The following KCNMB2 variants were observed in gnomAD, a reference collection of about 807,000 sequenced individuals.
KCNMB2 encodes potassium calcium-activated channel subfamily M regulatory beta subunit 2.
A neutral mutation model predicts 24.5 loss-of-function variants in KCNMB2; 9 were observed. The observed-to-expected ratio is 0.37, with a 90% CI of 0.22 to 0.64. The LOEUF is 0.64. KCNMB2 is among the 30% of genes least tolerant of loss of function. The pLI is 0.63. For synonymous variants in KCNMB2, 109 were observed against 104.4 expected (o/e 1.04, Z -0.27); for missense variants, 226 against 284.3 (o/e 0.79, Z 1.47).
At chr3:178,600,491 T>C (rs1335718016) in intron 1 of KCNMB2, among the ~76,000 whole-genome samples, 2 of 152,230 alleles carry the variant, frequency 1.3e-5, no homozygotes, top group Non-Finnish European at 2.9e-5. Context: ...ACATTGACTT[T>C]TAATAAGTAA....
At position 178,669,293 on chromosome 3, in the gene KCNMB2, G is replaced by A. The variant is rs902078007; in HGVS notation, c.-68+132582G>A. ...ACTGCATTCCTAAAATAGCTTGCATGTTAACAGAAGAGGACAGACAAATGA... is the reference window on the plus strand; with the variant it reads ...ACTGCATTCCTAAAATAGCTTGCATATTAACAGAAGAGGACAGACAAATGA... On this transcript the variant is annotated intron_variant, in intron 1 of 4. Transcript: ENST00000452583. 1.6e-4 allele frequency among the ~76,000 whole-genome samples: 24 copies of A among 152,248 alleles called. 1 individual carries two copies. The highest frequency in any genetic ancestry group is 5.5e-4 in the African/African-American group (23 of 41,542).
In KCNMB2 at chr3:178,657,095, T is replaced by C. The variant is rs1174366090; in HGVS notation, c.-68+120384T>C. On this transcript the variant is annotated intron_variant, in intron 1 of 4. Coordinates refer to ENST00000452583, the MANE Select transcript of KCNMB2 (RefSeq NM_181361.3). Reference sequence around the variant, plus strand: ...TTACATTCCTGCAAAATGAGGGAAATAGGGTTCCCAGGTTGTCTAAATCTA... The same window carrying C: ...TTACATTCCTGCAAAATGAGGGAAACAGGGTTCCCAGGTTGTCTAAATCTA... Among the ~76,000 whole-genome samples, 11 of 151,672 alleles carry C rather than the reference T, an allele frequency of 7.3e-5. 1 individual carries two copies. The South Asian group carries it at 1.5e-3, about 20-fold the overall frequency.
intron 1 of KCNMB2, among the ~76,000 whole-genome samples, chr3:178,659,665 G>C (rs1720457728): frequency 6.6e-6 from 1 of 152,102 alleles, no homozygotes; most frequent in Non-Finnish European, 1.5e-5. Flanking sequence ...TGCAGCCTCT[G>C]ATATATAATG....
chr3:178,690,551 GA>G (rs1721634099), intron 1 of KCNMB2, among the ~76,000 whole-genome samples: 1 of 151,866 alleles, frequency 6.6e-6, no homozygotes, highest in Non-Finnish European at 1.5e-5. Flanking sequence ...GAGAAAGAGG[GA>G]GGGAGTGAGG....
chr3:178,759,758 ATATATATAT>A (rs1711658927), intron 1 of KCNMB2, among the ~76,000 whole-genome samples: 2 of 55,944 alleles, frequency 3.6e-5, no homozygotes, highest in Non-Finnish European at 6.2e-5. Context: ...ATATATCTAT[ATATATATAT>A]CCAAGAGGAT....
chr3:178,715,234 C>G (rs766356896), intron 1 of KCNMB2, among the ~76,000 whole-genome samples: 3 of 152,090 alleles, frequency 2.0e-5, no homozygotes, highest in Non-Finnish European at 2.9e-5. Context: ...GAGCTCTATT[C>G]TAGGGGGATT....
intron 1 of KCNMB2, among the ~76,000 whole-genome samples, chr3:178,674,668 G>A (rs554595461): frequency 1.8e-4 from 27 of 152,138 alleles, no homozygotes; most frequent in South Asian, 2.1e-4. Flanking sequence ...AAGCAGTCTC[G>A]GTGAGCCTAA....
intron 1 of KCNMB2, among the ~76,000 whole-genome samples, chr3:178,656,609 C>T (rs1317398475): frequency 1.3e-5 from 2 of 152,122 alleles, no homozygotes; most frequent in African/African-American, 4.8e-5. Flanking sequence ...CCCGTCTCTA[C>T]TGAAAATACA....
chr3:178,816,230 A>G (rs1300638020), intron 2 of KCNMB2, among the ~76,000 whole-genome samples: 1 of 151,778 alleles, frequency 6.6e-6, no homozygotes, highest in Non-Finnish European at 1.5e-5. Context: ...TATTTTTGGA[A>G]AAGTTTGCTG....
chr3:178,826,161 C>T (rs2108468259), intron 3 of KCNMB2, among the ~76,000 whole-genome samples: 1 of 152,232 alleles, frequency 6.6e-6, no homozygotes, highest in East Asian at 1.9e-4. Context: ...ACACTTCTGT[C>T]CGTTCCCCAC....
chr3:178,707,821 AAAC>A (rs1356075079), intron 1 of KCNMB2, among the ~76,000 whole-genome samples: 5 of 152,174 alleles, frequency 3.3e-5, no homozygotes, highest in Non-Finnish European at 5.9e-5. Flanking sequence ...ATTTAAAAGA[AAAC>A]AAAACTTCAG....
intron 1 of KCNMB2, among the ~76,000 whole-genome samples, chr3:178,705,687 G>A (rs903148686): frequency 2.0e-5 from 3 of 152,128 alleles, no homozygotes; most frequent in Non-Finnish European, 4.4e-5. Flanking sequence ...GTCTGTAAGA[G>A]CCTTTTCTTT....
intron 1 of KCNMB2, among the ~76,000 whole-genome samples, chr3:178,671,226 C>T (rs1015103227): frequency 3.3e-5 from 5 of 152,136 alleles, no homozygotes; most frequent in African/African-American, 1.2e-4. Context: ...GTATTGTTTC[C>T]AAAAACTTCT....
intron 1 of KCNMB2, chr3:178,795,160 T>C (rs1577194449): frequency 6.6e-6 from 1 of 152,182 alleles, no homozygotes; most frequent in African/African-American, 2.4e-5. Flanking sequence ...CAGAGAAATG[T>C]ACTGAAAAAG....
intron 1 of KCNMB2, among the ~76,000 whole-genome samples, chr3:178,807,079 A>G (rs888098472): frequency 1.3e-5 from 2 of 152,220 alleles, no homozygotes; most frequent in Non-Finnish European, 2.9e-5. Context: ...TTTAACATCA[A>G]TTAGAAAACC....
At chr3:178,570,960 G>A (rs940800964) in intron 1 of KCNMB2, among the ~76,000 whole-genome samples, 1 of 152,036 alleles carries the variant, frequency 6.6e-6, no homozygotes, top group African/African-American at 2.4e-5. Context: ...TTTGGGATTG[G>A]GAAACTGTGT....
At chr3:178,827,578 G>GT (rs1451628860) in intron 3 of KCNMB2, among the ~76,000 whole-genome samples, 1 of 152,210 alleles carries the variant, frequency 6.6e-6, no homozygotes, top group Non-Finnish European at 1.5e-5. Context: ...GGAATGTGCA[G>GT]TAAGTGATTG....
intron 1 of KCNMB2, among the ~76,000 whole-genome samples, chr3:178,554,513 A>G (rs1716060146): frequency 1.3e-5 from 2 of 152,238 alleles, no homozygotes; most frequent in African/African-American, 2.4e-5. Context: ...AGTGTCACCT[A>G]GAACCTTATT....
At chr3:178,620,634 C>G (rs1718875812) in intron 1 of KCNMB2, among the ~76,000 whole-genome samples, 1 of 152,166 alleles carries the variant, frequency 6.6e-6, no homozygotes, top group African/African-American at 2.4e-5. Flanking sequence ...TAACCACTTA[C>G]CAGGTTCCCA....
Sources: gnomAD v4.1 joint callset for allele counts (sites outside exome capture counted in the v4.1 genomes callset) on GRCh38, gnomAD v4.1.1 for gene constraint, MANE v1.5 for transcripts, NCBI Gene and HGNC (gene_info 2026-07-23, HGNC 2026-07-21) for gene names.